DNAH8: variants seen among roughly 807,000 people sequenced by gnomAD.
DNAH8 encodes the protein dynein axonemal heavy chain 8, also known as axonemal beta dynein heavy chain 8.
DNAH8 carries 382 observed loss-of-function variants against 562.1 expected under a neutral mutation model. That is an observed-to-expected ratio of 0.68 (90% CI 0.63 to 0.74). The LOEUF is 0.74. Ranked by LOEUF, DNAH8 falls within the 30% of genes least tolerant of loss-of-function variation. DNAH8 has a pLI of 0.00. For missense variants in DNAH8, 5,203 were observed against 5,620.4 expected, an observed-to-expected ratio of 0.93 and a Z score of 2.37; for synonymous variants, 1,881 against 1,919.4, an observed-to-expected ratio of 0.98 and a Z score of 0.52.
intron 88 of DNAH8, among the ~76,000 whole-genome samples, chr6:38,991,636 C>A (rs1166011308): frequency 9.2e-5 from 14 of 152,130 alleles, no homozygotes; most frequent in Admixed American, 6.5e-5. Flanking sequence ...AGTGCCACTG[C>A]CCTCTACCTC....
intron 21 of DNAH8, among the ~76,000 whole-genome samples, chr6:38,797,537 G>A (rs1770384175): frequency 6.6e-6 from 1 of 152,072 alleles, no homozygotes; most frequent in South Asian, 2.1e-4. Flanking sequence ...GAAACTAAAA[G>A]GAATTTTAAT....
chr6:38,890,117 A>G (rs866283881), intron 57 of DNAH8, among the ~76,000 whole-genome samples: 1 of 152,326 alleles, frequency 6.6e-6, no homozygotes. Flanking sequence ...AGCCCAGGCC[A>G]GAGTGGTGAC....
chr6:38,930,648 A>G (rs1782487136), intron 75 of DNAH8, among the ~76,000 whole-genome samples: 1 of 152,164 alleles, frequency 6.6e-6, no homozygotes, highest in Non-Finnish European at 1.5e-5. Flanking sequence ...AGAAGCTAAG[A>G]ACAAAATTTT....
intron 45 of DNAH8, among the ~76,000 whole-genome samples, chr6:38,864,493 G>T (rs1776890659): frequency 6.6e-6 from 1 of 152,166 alleles, no homozygotes; most frequent in South Asian, 2.1e-4. Context: ...GAAGTAGGAG[G>T]CCAGGGCTGC....
chr6:38,817,806 T>A (rs1398699265), intron 26 of DNAH8, among the ~76,000 whole-genome samples: 2 of 152,190 alleles, frequency 1.3e-5, no homozygotes, highest in Non-Finnish European at 2.9e-5. Flanking sequence ...GATGTATCTA[T>A]GAATTTACAT....
intron 17 of DNAH8, among the ~76,000 whole-genome samples, chr6:38,783,997 T>C (rs529058399): frequency 1.3e-5 from 2 of 152,184 alleles, no homozygotes; most frequent in Non-Finnish European, 2.9e-5. Context: ...TTCTGCCTCT[T>C]GGTTCCAGAA....
chr6:38,866,494 A>G lies in DNAH8; in HGVS notation c.6499-97A>G, dbSNP rs910786547. On this transcript the variant is annotated intron_variant, in intron 45 of 92. Coordinates refer to ENST00000327475, the MANE Select transcript of DNAH8 (RefSeq NM_001206927.2). ...ATTTTATGAATCTAATATTTTCAATACCATCTTAAAATCTGAATTAGGGGT... is the reference window on the plus strand; with the variant it reads ...ATTTTATGAATCTAATATTTTCAATGCCATCTTAAAATCTGAATTAGGGGT... The G allele has an allele frequency of 4.8e-6, 4 of 826,046 alleles. No individual in the cohort carries two copies. The African/African-American group carries it at 6.9e-5, about 14-fold the overall frequency. 51.2% of individuals were successfully genotyped at this position (826,046 alleles called of 1,614,324 possible).
chr6:38,995,117 T>A (rs566902198), intron 88 of DNAH8, among the ~76,000 whole-genome samples: 3 of 151,988 alleles, frequency 2.0e-5, no homozygotes, highest in Non-Finnish European at 4.4e-5. Context: ...TCTCTATTGT[T>A]GTCAGAAATT....
intron 60 of DNAH8, among the ~76,000 whole-genome samples, chr6:38,897,599 G>A (rs1779788134): frequency 6.6e-6 from 1 of 151,926 alleles, no homozygotes; most frequent in Admixed American, 6.6e-5. Flanking sequence ...TTAAAAACAG[G>A]GTTATATAAC....
At chr6:38,773,933 C>T (rs1767818739) in intron 12 of DNAH8, among the ~76,000 whole-genome samples, 1 of 152,118 alleles carries the variant, frequency 6.6e-6, no homozygotes, top group Non-Finnish European at 1.5e-5. Context: ...GCAGACAAGA[C>T]TGATGTTGGG....
Position 38,877,552 on chromosome 6 carries a change from C to T in DNAH8, c.7858+1724C>T, listed in dbSNP as rs79039423. On this transcript the variant is annotated intron_variant, in intron 53 of 92. Transcript: ENST00000327475. ...TGCCATCCTAAGTAACTACTTTTGA[C>T]GAAATTTATTTGCCCGAGCCTTTGT... is the stretch of plus-strand genomic sequence containing the variant. Among the ~76,000 whole-genome samples, 403 of 152,200 alleles carry T rather than the reference C, an allele frequency of 2.6e-3. 2 individuals are homozygous for T. The highest frequency in any genetic ancestry group is 3.6e-3 in the Non-Finnish European group (247 of 68,026).
In DNAH8 at chr6:38,906,703, G is replaced by A. The variant is rs186658737; in HGVS notation, c.9348+296G>A. ...TCTGTCCATCTATCTGCATACTAGT[G>A]AGGAGTATAGAATGGTTGAAAGAGT... On this transcript the variant is annotated intron_variant, in intron 63 of 92. Coordinates refer to ENST00000327475, the MANE Select transcript of DNAH8 (RefSeq NM_001206927.2). Among the ~76,000 whole-genome samples the A allele has an allele frequency of 3.5e-3, 536 of 152,244 alleles. 11 individuals are homozygous for A. Among genetic ancestry groups the A allele is most frequent in the Non-Finnish European group, 1.5e-3 (101 of 68,024 alleles).
intron 2 of DNAH8, 41 bp downstream of exon 2, chr6:38,723,240 T>A (rs550669891): frequency 6.3e-7 from 1 of 1,580,860 alleles, no homozygotes; most frequent in East Asian, 2.2e-5. Context: ...CCACTTTTCC[T>A]TATCAAATAC....
intron 28 of DNAH8, among the ~76,000 whole-genome samples, chr6:38,823,958 C>G (rs192104311): frequency 6.6e-6 from 1 of 152,258 alleles, no homozygotes; most frequent in East Asian, 1.9e-4. Context: ...TCTTTATACA[C>G]ACATCCGTAG....
At chr6:38,911,787 A>G (rs1229110527) in intron 66 of DNAH8, among the ~76,000 whole-genome samples, 1 of 152,132 alleles carries the variant, frequency 6.6e-6, no homozygotes, top group East Asian at 1.9e-4. Flanking sequence ...GAAGTGGCCT[A>G]TTTTCTCTGC....
At chr6:38,964,633 A>T (rs1327521533) in intron 82 of DNAH8, among the ~76,000 whole-genome samples, 8 of 152,008 alleles carry the variant, frequency 5.3e-5, no homozygotes, top group South Asian at 2.1e-4. Context: ...TCTTAAATAT[A>T]TAAAAAGGTA....
intron 21 of DNAH8, among the ~76,000 whole-genome samples, chr6:38,796,719 A>G (rs62396392): frequency 0.19 from 28,395 of 151,946 alleles, 2,829 homozygotes; most frequent in Non-Finnish European, 0.2. Context: ...GTCAATCACA[A>G]TCCTCTCATG....
chr6:38,779,728 T>C (rs1768399336), intron 14 of DNAH8, among the ~76,000 whole-genome samples: 1 of 152,226 alleles, frequency 6.6e-6, no homozygotes. Flanking sequence ...GACCCATTTG[T>C]AATTTAAATA....
rs1773011473 is a variant in DNAH8, at chr6:38,823,002, C to G, written c.3688C>G (p.Leu1230Val). 6.3e-7 allele frequency: 1 copy of G among 1,597,566 alleles called. No individual in the cohort carries two copies. The highest frequency in any genetic ancestry group is 8.5e-7 in the Non-Finnish European group (1 of 1,175,630). ...GCAGGACTTTCAGAAGTACAAGACTCTCTGGACAGAGGACCGCGATGTGAA... is the reference window on the plus strand; with the variant it reads ...GCAGGACTTTCAGAAGTACAAGACTGTCTGGACAGAGGACCGCGATGTGAA... ...ALQDFQKYKT[L>V]WTEDRDVKVK... Residue 1230 changes from leucine (L) to valine (V), a missense_variant, in exon 27 of 93, where the codon CTC becomes GTC. Physicochemically the swap from Leu to Val is conservative, Grantham distance 32. This residue lies in a region of DNAH8 where 2,176 missense variants were observed against 2,365.1 expected (regional missense o/e 0.92). Transcript: ENST00000327475.
Sources: allele counts gnomAD v4.1 joint callset (sites outside exome capture counted in the v4.1 genomes callset), GRCh38; gene constraint gnomAD v4.1.1; regional missense constraint gnomAD v4.1.1; transcripts MANE v1.5; gene names NCBI Gene and HGNC (gene_info 2026-07-23, HGNC 2026-07-21).